AKR1C8: variants seen among roughly 807,000 people sequenced by gnomAD.
AKR1C8 encodes aldo-keto reductase family 1 member C-like protein 1.
At chr10:5,124,786 A>C in the AKR1C8 span, among the ~76,000 whole-genome samples, 1 of 152,284 alleles carries the variant, frequency 6.6e-6, no homozygotes, top group Admixed American at 6.5e-5. Flanking sequence ...TATGAAGATT[A>C]GATCTGGCCA....
the AKR1C8 span, among the ~76,000 whole-genome samples, chr10:5,165,373 C>T: frequency 6.6e-6 from 1 of 152,072 alleles, no homozygotes; most frequent in Non-Finnish European, 1.5e-5. Context: ...CATTTCAGAC[C>T]CTACAACACC....
At chr10:5,179,481 A>G in the AKR1C8 span, among the ~76,000 whole-genome samples, 1 of 151,952 alleles carries the variant, frequency 6.6e-6, no homozygotes, top group East Asian at 1.9e-4. Context: ...CTCAAGGAGT[A>G]CCTTTGTGGC....
the AKR1C8 span, among the ~76,000 whole-genome samples, chr10:5,158,028 C>T: frequency 1.1e-4 from 17 of 152,264 alleles, no homozygotes; most frequent in Admixed American, 3.9e-4. Context: ...TATCCATACC[C>T]TGGAATAACA....
At chr10:5,135,155 A>C in the AKR1C8 span, 1 of 223,750 alleles carries the variant, frequency 4.5e-6, no homozygotes, top group Non-Finnish European at 9.9e-6. Flanking sequence ...CTGGAGGTAC[A>C]CAGGTGCCAA....
At chr10:5,123,012 G>A in the AKR1C8 span, among the ~76,000 whole-genome samples, 1 of 152,286 alleles carries the variant, frequency 6.6e-6, no homozygotes. Flanking sequence ...AAAAGCAGAT[G>A]TCGCTAGCAC....
chr10:5,173,682 T>C, the AKR1C8 span, among the ~76,000 whole-genome samples: 1 of 151,894 alleles, frequency 6.6e-6, no homozygotes, highest in African/African-American at 2.4e-5. Context: ...TTTTGGCCTT[T>C]CTCCCTATAC....
chr10:5,160,787 G>T, the AKR1C8 span: 4 of 470,934 alleles, frequency 8.5e-6, no homozygotes, highest in Admixed American at 7.0e-5. Context: ...ACACAGTGCT[G>T]CCTGGTGTCT....
chr10:5,123,610 C>G, the AKR1C8 span: 3 of 1,128,848 alleles, frequency 2.7e-6, no homozygotes, highest in Admixed American at 7.6e-5. Context: ...TCTCACCTTA[C>G]CCTAACTCAC....
the AKR1C8 span, among the ~76,000 whole-genome samples, chr10:5,151,426 C>G: frequency 6.2e-4 from 94 of 152,172 alleles, no homozygotes; most frequent in Middle Eastern, 3.4e-3. Flanking sequence ...GTTAGTTCAG[C>G]CTATGCCCAT....
the AKR1C8 span, among the ~76,000 whole-genome samples, chr10:5,121,656 C>T: frequency 5.3e-5 from 8 of 152,002 alleles, no homozygotes; most frequent in Non-Finnish European, 1.0e-4. Context: ...GGCCCATCTC[C>T]ATAAAAATAT....
At chr10:5,151,990 C>T in the AKR1C8 span, among the ~76,000 whole-genome samples, 32 of 152,130 alleles carry the variant, frequency 2.1e-4, no homozygotes, top group Non-Finnish European at 4.0e-4. Flanking sequence ...GAGGTCTGTA[C>T]TCATGCAGGC....
the AKR1C8 span, among the ~76,000 whole-genome samples, chr10:5,148,905 C>G: frequency 6.6e-6 from 1 of 151,900 alleles, no homozygotes; most frequent in East Asian, 1.9e-4. Context: ...GCTGTGAAGT[C>G]TTGCGTCCTG....
At chr10:5,161,055 A>G in the AKR1C8 span, among the ~76,000 whole-genome samples, 1 of 152,238 alleles carries the variant, frequency 6.6e-6, no homozygotes, top group Non-Finnish European at 1.5e-5. Context: ...GCATGTGTGT[A>G]TATATATGTG....
chr10:5,144,271 C>T, the AKR1C8 span, among the ~76,000 whole-genome samples: 1,892 of 152,192 alleles, frequency 0.012, 27 homozygotes, highest in African/African-American at 0.043. Flanking sequence ...GTTTTGGTTA[C>T]TGTAGCCTTG....
chr10:5,162,118 A>G, the AKR1C8 span: 18 of 369,038 alleles, frequency 4.9e-5, 1 homozygote, highest in South Asian at 3.8e-4. Context: ...TATGTTACTC[A>G]GTATAAATCA....
At chr10:5,162,719 T>C in the AKR1C8 span, 2 of 365,848 alleles carry the variant, frequency 5.5e-6, no homozygotes, top group Non-Finnish European at 1.1e-5. Flanking sequence ...TAAGAAAGTC[T>C]TTTCTGTTTC....
At chr10:5,162,441 C>G in the AKR1C8 span, among the ~76,000 whole-genome samples, 1 of 152,176 alleles carries the variant, frequency 6.6e-6, no homozygotes, top group East Asian at 1.9e-4. Context: ...GGATTTCCAT[C>G]TAGGACAATT....
the AKR1C8 span, among the ~76,000 whole-genome samples, chr10:5,168,676 G>A: frequency 3.5e-4 from 54 of 152,186 alleles, no homozygotes; most frequent in South Asian, 6.2e-4. Context: ...ACAACAAAGA[G>A]ATTCAGAGAT....
chr10:5,150,517 A>G, the AKR1C8 span, among the ~76,000 whole-genome samples: 3 of 152,116 alleles, frequency 2.0e-5, no homozygotes, highest in Admixed American at 6.5e-5. Context: ...TTCATATTTG[A>G]CAATGCTTCC....
Sources: allele counts gnomAD v4.1 joint callset (sites outside exome capture counted in the v4.1 genomes callset), GRCh38; gene constraint gnomAD v4.1.1; transcripts MANE v1.5; gene names NCBI Gene and HGNC (gene_info 2026-07-23, HGNC 2026-07-21).